Variants in SEMA6A observed in about 807,000 individuals in gnomAD.
The protein encoded by SEMA6A is semaphorin-6A.
SEMA6A carries 25 observed loss-of-function variants against 96.8 expected under a neutral mutation model. The observed-to-expected ratio is 0.26, with a 90% CI of 0.19 to 0.36. The LOEUF is 0.36. Ranked by LOEUF, SEMA6A falls within the 10% of genes least tolerant of loss-of-function variation. The probability of loss-of-function intolerance (pLI) is 1.00; values close to 1 mark genes in which losing one functional copy is unlikely to be tolerated. For synonymous variants in SEMA6A, 612 were observed against 518.0 expected (o/e 1.18, Z -2.46); for missense variants, 1,363 against 1,323.1 (o/e 1.03, Z -0.47).
intron 17 of SEMA6A, among the ~76,000 whole-genome samples, chr5:116,470,908 C>T (rs980726311): frequency 4.6e-5 from 7 of 152,140 alleles, no homozygotes; most frequent in African/African-American, 1.7e-4. Flanking sequence ...TTTCTTCTTT[C>T]GATGCTACAA....
intron 18 of SEMA6A, among the ~76,000 whole-genome samples, chr5:116,454,675 CCTT>C (rs1304284042): frequency 6.6e-6 from 1 of 152,134 alleles, no homozygotes; most frequent in African/African-American, 2.4e-5. Context: ...CAGGAAGCAG[CCTT>C]CTTCTTGTCT....
chr5:116,501,685 C>A (rs1267050181), intron 3 of SEMA6A, among the ~76,000 whole-genome samples: 1 of 152,076 alleles, frequency 6.6e-6, no homozygotes, highest in Non-Finnish European at 1.5e-5. Flanking sequence ...GTCAGGAGTT[C>A]AAGACCAGCC....
chr5:116,522,716 G>A lies in SEMA6A; in HGVS notation c.-38-17734C>T, dbSNP rs117105075. Among the ~76,000 whole-genome samples, 71 of 152,260 alleles carry A rather than the reference G, an allele frequency of 4.7e-4. No individual in the cohort carries two copies. In the East Asian group the frequency reaches 0.013, roughly 27 times the overall value. The stretch of plus-strand genomic sequence containing the variant: ...CCATAAGTGGGATTCCAGTACTGCA[G>A]ATGGGAACTTTTTTTTTTCTCCCTT... On this transcript the variant is annotated intron_variant, in intron 1 of 18. Coordinates refer to ENST00000343348, the MANE Select transcript of SEMA6A (RefSeq NM_020796.5).
At chr5:116,449,380 A>G (rs1561461685) in intron 18 of SEMA6A, 7 of 702,386 alleles carry the variant, frequency 1.0e-5, no homozygotes, top group Non-Finnish European at 1.8e-5. Flanking sequence ...AATATGTTTC[A>G]TGTATTTTAC....
chr5:116,519,000 T>TA (rs58048781), intron 1 of SEMA6A, among the ~76,000 whole-genome samples: 2,304 of 146,170 alleles, frequency 0.016, 39 homozygotes, highest in African/African-American at 0.049. Flanking sequence ...TCCTAAGAGT[T>TA]AAAAAAAAAA....
chr5:116,536,954 G>A (rs1019229975), intron 1 of SEMA6A, among the ~76,000 whole-genome samples: 3 of 142,532 alleles, frequency 2.1e-5, no homozygotes, highest in Non-Finnish European at 3.0e-5. Context: ...CCAAGTTCAA[G>A]ACTCATGGGC....
chr5:116,479,865 C>T (rs1249990727), intron 12 of SEMA6A, among the ~76,000 whole-genome samples: 3 of 152,158 alleles, frequency 2.0e-5, no homozygotes, highest in African/African-American at 7.2e-5. Flanking sequence ...ATGGGCTAAT[C>T]CAGAAGGAAA....
intron 1 of SEMA6A, among the ~76,000 whole-genome samples, chr5:116,526,702 A>G (rs1456635361): frequency 6.6e-6 from 1 of 152,230 alleles, no homozygotes; most frequent in Admixed American, 6.5e-5. Context: ...AGAAGTTACT[A>G]TAGATTGCAC....
At chr5:116,523,883 C>T in intron 1 of SEMA6A, among the ~76,000 whole-genome samples, 1 of 152,268 alleles carries the variant, frequency 6.6e-6, no homozygotes, top group South Asian at 2.1e-4. Flanking sequence ...ATCCTAATCC[C>T]TTTCATTTCA....
rs780276825 is a variant in SEMA6A at position 116,447,161 on chromosome 5, T to A, written c.2545A>T (p.Thr849Ser). ...TCCTTGATGGTCTTATACTCCAGTG[T>A]GGCGGCCTGGTCCTCCAGCGCCATC... ...AQMALEDQAA[T>S]LEYKTIKEHL... is the part of the protein sequence containing the mutation. The change falls in exon 19 of 19, where the codon ACA becomes TCA. Residue 849 changes from threonine (T) to serine (S), a missense_variant. This residue lies in a region of SEMA6A where 883 missense variants were observed against 763.6 expected (regional missense o/e 1.16). Coordinates refer to ENST00000343348, the MANE Select transcript of SEMA6A (RefSeq NM_020796.5). The A allele has an allele frequency of 1.9e-6, 3 of 1,614,036 alleles. No individual in the cohort carries two copies. Among genetic ancestry groups the A allele is most frequent in the Middle Eastern group, 1.6e-4 (1 of 6,062 alleles).
rs1245502830 is a variant in SEMA6A at position 116,533,723 on chromosome 5, A to T, written c.-38-28741T>A. 2.0e-5 allele frequency among the ~76,000 whole-genome samples: 3 copies of T among 152,140 alleles called. 1 individual carries two copies. The highest frequency in any genetic ancestry group is 4.1e-4 in the South Asian group (2 of 4,830). ...GTAGCTAAACCCTACTACTCTCTTC[A>T]AAATTTATTTTGCCCTTTAAGCAGA... On this transcript the variant is annotated intron_variant, in intron 1 of 18. Transcript: ENST00000343348.
intron 18 of SEMA6A, among the ~76,000 whole-genome samples, chr5:116,458,225 A>C (rs1190794945): frequency 6.6e-6 from 1 of 152,190 alleles, no homozygotes; most frequent in Non-Finnish European, 1.5e-5. Flanking sequence ...CGTTAGGACA[A>C]AACAAAATCT....
At chr5:116,460,711 G>A (rs1755332591) in intron 18 of SEMA6A, among the ~76,000 whole-genome samples, 1 of 151,646 alleles carries the variant, frequency 6.6e-6, no homozygotes, top group African/African-American at 2.4e-5. Context: ...TTCCCAAACA[G>A]TGTGCTTTAA....
chr5:116,515,043 T>G (rs988713807), intron 1 of SEMA6A, among the ~76,000 whole-genome samples: 2 of 152,230 alleles, frequency 1.3e-5, no homozygotes, highest in Non-Finnish European at 2.9e-5. Context: ...CAAAGGCTTC[T>G]GGTTGGAGAA....
intron 10 of SEMA6A, among the ~76,000 whole-genome samples, chr5:116,484,310 T>A (rs1037318087): frequency 6.6e-6 from 1 of 152,178 alleles, no homozygotes; most frequent in Non-Finnish European, 1.5e-5. Context: ...GAGGTTAGAA[T>A]CAGTTGTGAA....
intron 1 of SEMA6A, among the ~76,000 whole-genome samples, chr5:116,539,220 C>A (rs1759857628): frequency 1.3e-5 from 2 of 152,178 alleles, no homozygotes; most frequent in East Asian, 3.8e-4. Context: ...TCTGGGCAAG[C>A]TTTATACGGT....
At chr5:116,485,957 C>G (rs1372649829) in intron 10 of SEMA6A, among the ~76,000 whole-genome samples, 1 of 152,182 alleles carries the variant, frequency 6.6e-6, no homozygotes, top group Non-Finnish European at 1.5e-5. Context: ...TTTCACTGCT[C>G]TAGGAACAAT....
chr5:116,497,190 T>A (rs983450195), intron 4 of SEMA6A, 137 bp downstream of exon 4: 1 of 581,146 alleles, frequency 1.7e-6, no homozygotes, highest in East Asian at 2.9e-5. Context: ...ATTCCCTAAT[T>A]AGGATTTCAC....
intron 1 of SEMA6A, among the ~76,000 whole-genome samples, chr5:116,524,759 C>T (rs182063601): frequency 5.5e-5 from 2 of 36,074 alleles, no homozygotes; most frequent in East Asian, 8.5e-3. Flanking sequence ...TGTATAATTA[C>T]ATGGGTATGT....
Sources: gnomAD v4.1 joint callset for allele counts (sites outside exome capture counted in the v4.1 genomes callset) on GRCh38, gnomAD v4.1.1 for gene constraint, gnomAD v4.1.1 regional missense constraint, MANE v1.5 for transcripts, NCBI Gene and HGNC (gene_info 2026-07-23, HGNC 2026-07-21) for gene names.